NRXN1: variants seen among roughly 807,000 people sequenced by gnomAD.
NRXN1 encodes neurexin-1.
In NRXN1, 39 loss-of-function variants were observed where a neutral mutation model predicts 150.9. That is an observed-to-expected ratio of 0.26 (90% CI 0.20 to 0.34). The LOEUF (loss-of-function observed/expected upper bound fraction) is 0.34. NRXN1 is among the 10% of genes least tolerant of loss of function. The probability of loss-of-function intolerance (pLI) is 1.00; values close to 1 mark genes in which losing one functional copy is unlikely to be tolerated. For synonymous variants in NRXN1, 924 were observed against 757.0 expected (o/e 1.22, Z -3.62); for missense variants, 1,815 against 1,949.9 (o/e 0.93, Z 1.30).
intron 2 of NRXN1, among the ~76,000 whole-genome samples, chr2:50,976,424 C>T (rs1162800124): frequency 6.6e-6 from 1 of 151,854 alleles, no homozygotes; most frequent in African/African-American, 2.4e-5. Flanking sequence ...CTGTGTCATG[C>T]ACAGTTTTTC....
At chr2:50,484,044 C>A (rs1159209827) in intron 15 of NRXN1, among the ~76,000 whole-genome samples, 13 of 152,104 alleles carry the variant, frequency 8.5e-5, no homozygotes, top group African/African-American at 3.1e-4. Context: ...TATAATACGT[C>A]TCTTTAATGT....
chr2:50,374,394 T>C (rs2080335659), intron 17 of NRXN1, among the ~76,000 whole-genome samples: 1 of 151,986 alleles, frequency 6.6e-6, no homozygotes, highest in Admixed American at 6.6e-5. Flanking sequence ...CTCTTACTTG[T>C]GTGTGACTGA....
intron 17 of NRXN1, among the ~76,000 whole-genome samples, chr2:50,429,046 G>T (rs1442355495): frequency 1.3e-5 from 2 of 151,948 alleles, no homozygotes; most frequent in Non-Finnish European, 2.9e-5. Context: ...TCCCATGAAA[G>T]AACAACATTT....
chr2:50,872,243 G>C (rs186756322), intron 5 of NRXN1, among the ~76,000 whole-genome samples: 43 of 151,926 alleles, frequency 2.8e-4, no homozygotes, highest in Non-Finnish European at 5.6e-4. Context: ...GTGGGAGAGA[G>C]AGATGTGAGA....
intron 21 of NRXN1, among the ~76,000 whole-genome samples, chr2:49,975,550 C>A (rs543941662): frequency 6.6e-6 from 1 of 152,024 alleles, no homozygotes; most frequent in African/African-American, 2.4e-5. Flanking sequence ...CAAATTCTTT[C>A]TTTCATTCAA....
intron 21 of NRXN1, among the ~76,000 whole-genome samples, chr2:50,032,985 A>G (rs535592037): frequency 1.3e-5 from 2 of 151,830 alleles, no homozygotes; most frequent in East Asian, 3.9e-4. Context: ...TATACTGTGT[A>G]TACACATTAT....
chr2:50,626,755 T>C (rs1176642894), intron 5 of NRXN1, among the ~76,000 whole-genome samples: 2 of 151,922 alleles, frequency 1.3e-5, no homozygotes, highest in African/African-American at 4.8e-5. Flanking sequence ...CTCATCTACA[T>C]TAAAATTAAC....
chr2:50,991,790 C>T lies in NRXN1; in HGVS notation c.772+35712G>A, dbSNP rs1016391432. 2.0e-5 allele frequency among the ~76,000 whole-genome samples: 3 copies of T among 151,954 alleles called. No homozygotes were observed. The East Asian group carries it at 5.8e-4, about 29-fold the overall frequency. On this transcript the variant is annotated intron_variant, in intron 2 of 22. Transcript: ENST00000401669. ...GAGATAAAAAACAGCTTTTACAATA[C>T]AAGCTATTAAAAGGCAACGATGCAA...
At chr2:50,829,016 T>G (rs1670978189) in intron 5 of NRXN1, among the ~76,000 whole-genome samples, 1 of 152,144 alleles carries the variant, frequency 6.6e-6, no homozygotes, top group South Asian at 2.1e-4. Context: ...CACTCGCGGT[T>G]AGGAGCTGGA....
chr2:49,989,476 C>T (rs758493445), intron 21 of NRXN1, among the ~76,000 whole-genome samples: 3 of 152,214 alleles, frequency 2.0e-5, no homozygotes, highest in East Asian at 1.9e-4. Context: ...TCAATGCACT[C>T]CAGGGAAAGA....
intron 15 of NRXN1, among the ~76,000 whole-genome samples, chr2:50,484,290 T>C (rs2090708616): frequency 6.6e-6 from 1 of 152,170 alleles, no homozygotes; most frequent in Non-Finnish European, 1.5e-5. Flanking sequence ...CAAAAAAGAA[T>C]TCCTTCTGTG....
intron 8 of NRXN1, among the ~76,000 whole-genome samples, chr2:50,588,494 A>C (rs1458538820): frequency 6.6e-6 from 1 of 152,178 alleles, no homozygotes; most frequent in Non-Finnish European, 1.5e-5. Flanking sequence ...AGAGTGCTGA[A>C]TGTCTGACTC....
At chr2:50,338,197 C>T (rs1242306762) in intron 17 of NRXN1, among the ~76,000 whole-genome samples, 2 of 152,208 alleles carry the variant, frequency 1.3e-5, no homozygotes, top group Non-Finnish European at 2.9e-5. Context: ...TTGACATCCA[C>T]GTGACAAATG....
At chr2:49,983,993 T>C (rs901702932) in intron 21 of NRXN1, among the ~76,000 whole-genome samples, 27 of 136,874 alleles carry the variant, frequency 2.0e-4, no homozygotes, top group African/African-American at 6.2e-4. Flanking sequence ...TGAGATCTCA[T>C]TTCTACTAAA....
At chr2:50,071,279 A>G (rs1696257790) in intron 19 of NRXN1, among the ~76,000 whole-genome samples, 1 of 152,184 alleles carries the variant, frequency 6.6e-6, no homozygotes, top group Admixed American at 6.5e-5. Context: ...TAATCGCCAC[A>G]CAAGAACCCT....
chr2:50,031,794 C>A (rs542072638), intron 21 of NRXN1, among the ~76,000 whole-genome samples: 5 of 152,016 alleles, frequency 3.3e-5, no homozygotes, highest in South Asian at 2.1e-4. Context: ...GGAAGTTAAA[C>A]CCTTTTAGTA....
At chr2:50,976,187 T>C (rs1455600726) in intron 2 of NRXN1, among the ~76,000 whole-genome samples, 1 of 149,314 alleles carries the variant, frequency 6.7e-6, no homozygotes, top group East Asian at 2.0e-4. Flanking sequence ...AATTATTTTA[T>C]GTTATTCTTT....
At chr2:49,931,491 T>G (rs1301934226) in intron 22 of NRXN1, among the ~76,000 whole-genome samples, 1 of 152,070 alleles carries the variant, frequency 6.6e-6, no homozygotes, top group Non-Finnish European at 1.5e-5. Flanking sequence ...CCCACAGTAC[T>G]GCAAATAGTT....
chr2:50,699,880 T>C (rs1221486211), intron 5 of NRXN1, among the ~76,000 whole-genome samples: 1 of 152,158 alleles, frequency 6.6e-6, no homozygotes, highest in East Asian at 1.9e-4. Context: ...AAAGCACTCA[T>C]GGCATGTTCA....
Sources: allele counts gnomAD v4.1 joint callset (sites outside exome capture counted in the v4.1 genomes callset), GRCh38; gene constraint gnomAD v4.1.1; transcripts MANE v1.5; gene names NCBI Gene and HGNC (gene_info 2026-07-23, HGNC 2026-07-21).